ACP3: variants seen among roughly 807,000 people sequenced by gnomAD.
ACP3 encodes the protein acid phosphatase 3.
A neutral mutation model predicts 45.6 loss-of-function variants in ACP3; 38 were observed. That is an observed-to-expected ratio of 0.83 (90% confidence interval 0.64 to 1.09). ACP3 has a LOEUF of 1.09. Among genes scored for constraint, ACP3 ranks in the 50% least tolerant of loss-of-function variants. ACP3 has a pLI of 0.00. For synonymous variants in ACP3, 162 were observed against 164.7 expected (o/e 0.98, Z 0.13); for missense variants, 466 against 463.2 (o/e 1.01, Z -0.05).
chr3:132,329,852 A>T (rs1279293119), intron 2 of ACP3, among the ~76,000 whole-genome samples: 2 of 151,800 alleles, frequency 1.3e-5, no homozygotes, highest in East Asian at 3.9e-4. Context: ...TGGCACTGGT[A>T]CATGGACCAC....
chr3:132,347,777 C>G (rs1937629045), intron 7 of ACP3, among the ~76,000 whole-genome samples: 1 of 151,356 alleles, frequency 6.6e-6, no homozygotes. Flanking sequence ...ACTACTGTGC[C>G]CAGTCTAGAA....
chr3:132,334,267 A>C (rs1293759748), intron 4 of ACP3, among the ~76,000 whole-genome samples: 2 of 152,140 alleles, frequency 1.3e-5, no homozygotes, highest in African/African-American at 4.8e-5. Flanking sequence ...GAAGCAAGGA[A>C]CATTATCTAC....
chr3:132,322,101 C>T (rs1337189944), intron 1 of ACP3, among the ~76,000 whole-genome samples: 1 of 152,166 alleles, frequency 6.6e-6, no homozygotes, highest in Non-Finnish European at 1.5e-5. Flanking sequence ...CCCAAGGTCA[C>T]CCAGCAGGAC....
At chr3:132,325,552 C>T (rs1169581695) in intron 1 of ACP3, among the ~76,000 whole-genome samples, 1 of 142,552 alleles carries the variant, frequency 7.0e-6, no homozygotes, top group Non-Finnish European at 1.5e-5. Context: ...ACAGTGCCTT[C>T]GGGGTAGTTT....
At chr3:132,324,503 T>C (rs919672665) in intron 1 of ACP3, among the ~76,000 whole-genome samples, 3 of 152,184 alleles carry the variant, frequency 2.0e-5, no homozygotes, top group African/African-American at 7.2e-5. Flanking sequence ...TCTTTGATCA[T>C]ATAGTTTTCT....
rs1559837976 is a variant in ACP3, at chr3:132,345,050, CTCCAAGGGGG to C, written c.774_781+2del. 6.2e-7 allele frequency: 1 copy of C among 1,613,034 alleles called. No homozygotes were observed. The highest frequency in any genetic ancestry group is 8.5e-7 in the Non-Finnish European group (1 of 1,179,490). On this transcript the variant is annotated splice_donor_variant and coding_sequence_variant, in exon 7 of 10. Coordinates refer to ENST00000336375, the MANE Select transcript of ACP3 (RefSeq NM_001099.5). LOFTEE classifies it high-confidence loss of function. ...TCACAAGCAGAAAGAGAAATCTAGG[CTCCAAGGGGG>C]TAAGTATTAAAAAATGAGAGGAGCA...
chr3:132,345,817 C>G (rs897794277), intron 7 of ACP3, among the ~76,000 whole-genome samples: 18 of 152,124 alleles, frequency 1.2e-4, no homozygotes, highest in African/African-American at 3.9e-4. Context: ...AAGTCAGGAC[C>G]AGCAAAGACA....
At chr3:132,344,906 C>A (rs1396090113) in intron 6 of ACP3, 21 bp from the exon 7 acceptor site, 5 of 1,609,974 alleles carry the variant, frequency 3.1e-6, no homozygotes, top group Non-Finnish European at 3.4e-6. Context: ...ATACATTTTT[C>A]TTCCTTTTTC....
chr3:132,323,989 G>A (rs1937251910), intron 1 of ACP3, among the ~76,000 whole-genome samples: 2 of 152,180 alleles, frequency 1.3e-5, no homozygotes, highest in Admixed American at 6.5e-5. Flanking sequence ...AGGCCAAGGC[G>A]AGTGGATCAC....
chr3:132,351,242 T>A (rs539608671), intron 8 of ACP3, among the ~76,000 whole-genome samples: 104 of 151,902 alleles, frequency 6.8e-4, no homozygotes, highest in Middle Eastern at 3.4e-3. Context: ...CATTTGGGAG[T>A]AGAAAGAAAA....
chr3:132,359,606 T>A (rs1164889300), downstream of ACP3, among the ~76,000 whole-genome samples: 1 of 152,214 alleles, frequency 6.6e-6, no homozygotes, highest in Non-Finnish European at 1.5e-5. Context: ...TTAGGAGTTA[T>A]TTTTTACCCT....
downstream of ACP3, among the ~76,000 whole-genome samples, chr3:132,359,502 T>C (rs1056230485): frequency 1.5e-4 from 22 of 150,128 alleles, no homozygotes; most frequent in South Asian, 4.2e-4. Flanking sequence ...AGCGAGACTC[T>C]GTCTAAATAA....
At chr3:132,336,227 TC>T (rs1467844027) in intron 4 of ACP3, among the ~76,000 whole-genome samples, 1 of 152,118 alleles carries the variant, frequency 6.6e-6, no homozygotes, top group African/African-American at 2.4e-5. Flanking sequence ...GCCACTGCAC[TC>T]CAGCCTGGGT....
chr3:132,365,392 G>T (rs994368141), intron 10 of ACP3, among the ~76,000 whole-genome samples: 1 of 152,226 alleles, frequency 6.6e-6, no homozygotes, highest in Non-Finnish European at 1.5e-5. Context: ...CAAGGGATGT[G>T]TGGGAGAGCA....
At chr3:132,362,834 G>A (rs543783776), downstream of ACP3, among the ~76,000 whole-genome samples, 10 of 152,342 alleles carry the variant, frequency 6.6e-5, no homozygotes, top group African/African-American at 2.4e-4. Flanking sequence ...TGTGTGGAGA[G>A]CTGAGGCTGC....
At chr3:132,352,361 CTTTTTTTT>C (rs35270483) in intron 8 of ACP3, among the ~76,000 whole-genome samples, 1 of 135,598 alleles carries the variant, frequency 7.4e-6, no homozygotes, top group Admixed American at 7.4e-5. Flanking sequence ...CCACACCCAG[CTTTTTTTT>C]TTTTTTTTAG....
chr3:132,341,593 A>G (rs1218486800), intron 5 of ACP3, among the ~76,000 whole-genome samples: 1 of 152,230 alleles, frequency 6.6e-6, no homozygotes, highest in Non-Finnish European at 1.5e-5. Flanking sequence ...AATCTTTGTC[A>G]GTATCAGTGT....
chr3:132,320,298 G>A (rs1937182263), intron 1 of ACP3, among the ~76,000 whole-genome samples: 1 of 152,134 alleles, frequency 6.6e-6, no homozygotes, highest in Non-Finnish European at 1.5e-5. Context: ...TATATGGAAA[G>A]AATCGTAAAT....
At chr3:132,359,882 G>A (rs1409648470), downstream of ACP3, among the ~76,000 whole-genome samples, 1 of 152,148 alleles carries the variant, frequency 6.6e-6, no homozygotes, top group East Asian at 1.9e-4. Flanking sequence ...TGTGGCAGGA[G>A]TATTTTCACC....
Sources: gnomAD v4.1 joint callset for allele counts (sites outside exome capture counted in the v4.1 genomes callset) on GRCh38, gnomAD v4.1.1 for gene constraint, MANE v1.5 for transcripts, NCBI Gene and HGNC (gene_info 2026-07-23, HGNC 2026-07-21) for gene names.